C1QTNF7: variants seen among roughly 807,000 people sequenced by gnomAD.
C1QTNF7 encodes the protein C1q and TNF related 7.
In C1QTNF7, 15 loss-of-function variants were observed where a neutral mutation model predicts 19.6. That is an observed-to-expected ratio of 0.76 (90% CI 0.51 to 1.18). The LOEUF is 1.18. C1QTNF7 is among the 50% of genes most tolerant of loss of function. The probability of loss-of-function intolerance (pLI) is 0.00; values close to 1 mark genes in which losing one functional copy is unlikely to be tolerated. For missense variants in C1QTNF7, 324 were observed against 359.7 expected, an observed-to-expected ratio of 0.90 and a Z score of 0.80; for synonymous variants, 142 against 137.5, an observed-to-expected ratio of 1.03 and a Z score of -0.23.
chr4:15,373,084 C>A (rs564694441), intron 1 of C1QTNF7, among the ~76,000 whole-genome samples: 2 of 152,178 alleles, frequency 1.3e-5, no homozygotes, highest in Non-Finnish European at 2.9e-5. Flanking sequence ...ATACCACAGA[C>A]TAAGTAATTT....
intron 2 of C1QTNF7, among the ~76,000 whole-genome samples, chr4:15,436,494 T>A (rs976775560): frequency 6.6e-5 from 10 of 152,206 alleles, no homozygotes; most frequent in African/African-American, 2.4e-4. Context: ...CAAAGATACA[T>A]AAAGGGCTTC....
intron 1 of C1QTNF7, among the ~76,000 whole-genome samples, chr4:15,429,077 T>C (rs917622364): frequency 7.2e-5 from 11 of 152,194 alleles, no homozygotes; most frequent in African/African-American, 2.7e-4. Context: ...ATGTTCTTAC[T>C]TATAAAGTGA....
intron 1 of C1QTNF7, among the ~76,000 whole-genome samples, chr4:15,399,227 G>T (rs559310850): frequency 2.6e-4 from 39 of 152,204 alleles, no homozygotes; most frequent in African/African-American, 9.4e-4. Context: ...CCCTGGTGCC[G>T]ACTGCAACCA....
intron 1 of C1QTNF7, among the ~76,000 whole-genome samples, chr4:15,343,491 G>A (rs1221104398): frequency 6.6e-6 from 1 of 151,600 alleles, no homozygotes; most frequent in Non-Finnish European, 1.5e-5. Flanking sequence ...TGTCAGCAAA[G>A]CAAATTCTTT....
chr4:15,379,733 A>G (rs1718071677), intron 1 of C1QTNF7, among the ~76,000 whole-genome samples: 1 of 152,204 alleles, frequency 6.6e-6, no homozygotes, highest in Non-Finnish European at 1.5e-5. Context: ...AGGCTGTGGA[A>G]TTGTCTTCTT....
intron 1 of C1QTNF7, among the ~76,000 whole-genome samples, chr4:15,400,851 A>G (rs1283001331): frequency 9.2e-5 from 14 of 152,190 alleles, no homozygotes. Flanking sequence ...GTCTTTGTTC[A>G]TTGTGGGCCC....
chr4:15,380,273 T>G (rs1019926660), intron 1 of C1QTNF7, among the ~76,000 whole-genome samples: 5 of 152,232 alleles, frequency 3.3e-5, no homozygotes, highest in Admixed American at 1.3e-4. Context: ...TCCTTTATTA[T>G]GCAGGAGGTT....
chr4:15,426,952 T>C (rs547952340), upstream of C1QTNF7, among the ~76,000 whole-genome samples: 453 of 152,340 alleles, frequency 3.0e-3, no homozygotes, highest in Non-Finnish European at 4.7e-3. Context: ...AGAGACTTTA[T>C]CTGATTAAAA....
At chr4:15,373,794 T>G (rs1717819986) in intron 1 of C1QTNF7, 1 of 152,180 alleles carries the variant, frequency 6.6e-6, no homozygotes, top group Non-Finnish European at 1.5e-5. Context: ...GCCACTATAC[T>G]CCTCCTTCTC....
At chr4:15,366,352 G>A (rs1717522059) in intron 1 of C1QTNF7, among the ~76,000 whole-genome samples, 4 of 152,288 alleles carry the variant, frequency 2.6e-5, no homozygotes, top group African/African-American at 7.2e-5. Flanking sequence ...ACTTGTAAGT[G>A]TAAACCTTAG....
At chr4:15,378,156 A>G (rs1056824595) in intron 1 of C1QTNF7, among the ~76,000 whole-genome samples, 4 of 152,230 alleles carry the variant, frequency 2.6e-5, no homozygotes, top group Non-Finnish European at 4.4e-5. Flanking sequence ...AACATGGTCA[A>G]GGACCACCTC....
At chr4:15,438,321 T>C (rs1712618613) in intron 2 of C1QTNF7, among the ~76,000 whole-genome samples, 1 of 152,194 alleles carries the variant, frequency 6.6e-6, no homozygotes, top group South Asian at 2.1e-4. Context: ...ACCTCACTTA[T>C]AAACTAGAGG....
intron 1 of C1QTNF7, among the ~76,000 whole-genome samples, chr4:15,368,918 T>A (rs1560344657): frequency 1.3e-5 from 2 of 152,322 alleles, no homozygotes; most frequent in East Asian, 1.9e-4. Flanking sequence ...GCCAACCAAA[T>A]GGTGAATGTA....
At chr4:15,369,788 T>C (rs1299633954) in intron 1 of C1QTNF7, among the ~76,000 whole-genome samples, 1 of 152,188 alleles carries the variant, frequency 6.6e-6, no homozygotes, top group Admixed American at 6.5e-5. Flanking sequence ...TTCAGTTGAA[T>C]ACATTAATGA....
intron 2 of C1QTNF7, among the ~76,000 whole-genome samples, chr4:15,437,600 A>G (rs972790969): frequency 6.6e-6 from 1 of 152,234 alleles, no homozygotes; most frequent in Non-Finnish European, 1.5e-5. Flanking sequence ...CAGAACTGCT[A>G]CAGTTTTAAC....
chr4:15,349,572 C>A (rs1716835346), intron 1 of C1QTNF7, among the ~76,000 whole-genome samples: 1 of 152,152 alleles, frequency 6.6e-6, no homozygotes, highest in African/African-American at 2.4e-5. Flanking sequence ...AAGGACCAAT[C>A]TGGTTATAAT....
At chr4:15,381,222 C>A (rs1718128910) in intron 1 of C1QTNF7, among the ~76,000 whole-genome samples, 2 of 151,812 alleles carry the variant, frequency 1.3e-5, no homozygotes, top group South Asian at 4.2e-4. Flanking sequence ...TCAAGACAAT[C>A]CTGGCTAACA....
intron 1 of C1QTNF7, among the ~76,000 whole-genome samples, chr4:15,414,842 G>A (rs563303695): frequency 6.6e-6 from 1 of 151,994 alleles, no homozygotes; most frequent in Admixed American, 6.6e-5. Context: ...GTTAGTCATA[G>A]CCATCATAGA....
chr4:15,400,605 C>CT (rs1408272560), intron 1 of C1QTNF7, among the ~76,000 whole-genome samples: 4 of 152,138 alleles, frequency 2.6e-5, no homozygotes, highest in African/African-American at 9.7e-5. Flanking sequence ...GATGAACGGT[C>CT]TGCTCTGATC....
Sources: gnomAD v4.1 joint callset for allele counts (sites outside exome capture counted in the v4.1 genomes callset) on GRCh38, gnomAD v4.1.1 for gene constraint, MANE v1.5 for transcripts, NCBI Gene and HGNC (gene_info 2026-07-23, HGNC 2026-07-21) for gene names.